The following MAN1A1 variants were observed in gnomAD, a reference collection of about 807,000 sequenced individuals.
The protein encoded by MAN1A1 is mannosyl-oligosaccharide 1,2-alpha-mannosidase IA.
MAN1A1 carries 29 observed loss-of-function variants against 70.8 expected under a neutral mutation model. The ratio of observed to expected loss-of-function variants is 0.41; its 90% confidence interval spans 0.31 to 0.56. The LOEUF is 0.56. Ranked by LOEUF, MAN1A1 falls within the 20% of genes least tolerant of loss-of-function variation. The probability of loss-of-function intolerance (pLI) is 0.29; values close to 1 mark genes in which losing one functional copy is unlikely to be tolerated. For synonymous variants in MAN1A1, 349 were observed against 330.1 expected (o/e 1.06, Z -0.62); for missense variants, 747 against 841.3 (o/e 0.89, Z 1.39).
chr6:119,308,751 G>A (rs934762497), intron 2 of MAN1A1, among the ~76,000 whole-genome samples: 1 of 152,010 alleles, frequency 6.6e-6, no homozygotes, highest in African/African-American at 2.4e-5. Flanking sequence ...ATTTTATTTG[G>A]TTTTTCCATT....
intron 2 of MAN1A1, among the ~76,000 whole-genome samples, chr6:119,345,720 C>T (rs868850582): frequency 2.6e-5 from 4 of 152,300 alleles, no homozygotes; most frequent in South Asian, 4.1e-4. Context: ...TCCAGTCTTC[C>T]AACATGTTAG....
intron 2 of MAN1A1, among the ~76,000 whole-genome samples, chr6:119,323,236 A>G (rs1187074181): frequency 6.6e-6 from 1 of 152,216 alleles, no homozygotes; most frequent in Admixed American, 6.5e-5. Flanking sequence ...TTCCTTTTAA[A>G]TAAGGAGTCA....
In MAN1A1 at chr6:119,348,969, G is replaced by C. The variant is rs756298621; in HGVS notation, c.97C>G (p.Pro33Ala). The C allele has an allele frequency of 5.3e-6, 8 of 1,507,694 alleles. No individual in the cohort carries two copies. The highest frequency in any genetic ancestry group is 2.2e-5 in the Admixed American group (1 of 46,296). 93.4% of individuals were successfully genotyped at this position (1,507,694 alleles called of 1,614,324 possible). Residue 33 changes from proline (P) to alanine (A), a missense_variant, in exon 2 of 13, where the codon CCC becomes GCC. Transcript: ENST00000368468. ...GGGGGRKGSG[P>A]AALRLTEKFV... ...TTCTCCGTCAGGCGGAGGGCGGCGG[G>C]GCCCGACCCCTTCCTGCCACCGCCG...
intron 5 of MAN1A1, among the ~76,000 whole-genome samples, chr6:119,286,991 C>A (rs187018321): frequency 6.6e-6 from 1 of 152,148 alleles, no homozygotes; most frequent in African/African-American, 2.4e-5. Context: ...CAGGAATTAT[C>A]TATACTTCCT....
At chr6:119,234,634 T>C (rs1242757065) in intron 6 of MAN1A1, among the ~76,000 whole-genome samples, 1 of 152,136 alleles carries the variant, frequency 6.6e-6, no homozygotes, top group African/African-American at 2.4e-5. Flanking sequence ...AGGCTGCTGT[T>C]GACCTCCCAG....
intron 6 of MAN1A1, among the ~76,000 whole-genome samples, chr6:119,245,466 T>A (rs535067338): frequency 7.9e-5 from 12 of 152,252 alleles, no homozygotes; most frequent in Non-Finnish European, 1.5e-4. Context: ...TGAAAAGTAA[T>A]CTTGTAGATA....
chr6:119,254,881 T>C (rs1291389295), intron 5 of MAN1A1, among the ~76,000 whole-genome samples: 1 of 152,194 alleles, frequency 6.6e-6, no homozygotes, highest in Non-Finnish European at 1.5e-5. Flanking sequence ...ATAAAAACTT[T>C]TATAGCCTAA....
At position 119,349,027 on chromosome 6, in the gene MAN1A1, G is replaced by C; in HGVS notation, c.39C>G (p.Pro13=). The C allele has an allele frequency of 4.4e-6, 6 of 1,357,648 alleles. No homozygotes were observed. Among genetic ancestry groups the C allele is most frequent in the Middle Eastern group, 2.5e-4 (1 of 3,966 alleles). The allele number at this position is 1,357,648 out of a possible 1,614,324, so 84.1% of individuals were successfully genotyped here. The change falls in exon 2 of 13, where the codon CCC becomes CCG. Residue 13 remains proline, a synonymous_variant. Transcript: ENST00000368468. ...GCCCCCCGCCCAGGACGCCGCCCGC[G>C]GGGCTGCTGAAGAGCGGCAACAGGC... is the stretch of plus-strand genomic sequence containing the variant. ...VGGLLPLFSS[P]AGGVLGGGLG...
intron 2 of MAN1A1, among the ~76,000 whole-genome samples, chr6:119,323,526 T>A (rs1773073153): frequency 1.3e-5 from 2 of 152,212 alleles, no homozygotes; most frequent in Non-Finnish European, 2.9e-5. Context: ...ATCTTAATGA[T>A]GAACAACTGC....
intron 2 of MAN1A1, among the ~76,000 whole-genome samples, chr6:119,347,548 T>C (rs1001644712): frequency 6.6e-5 from 10 of 152,158 alleles, no homozygotes; most frequent in African/African-American, 2.4e-4. Context: ...AGGAGGCATG[T>C]CCACAGACCG....
chr6:119,313,075 C>G (rs1013172415), intron 2 of MAN1A1, among the ~76,000 whole-genome samples: 6 of 152,192 alleles, frequency 3.9e-5, no homozygotes, highest in Middle Eastern at 6.8e-3. Context: ...GAAGGAAGTT[C>G]TCCTTCCTTT....
At chr6:119,301,002 T>A (rs1276135398) in intron 4 of MAN1A1, among the ~76,000 whole-genome samples, 1 of 152,210 alleles carries the variant, frequency 6.6e-6, no homozygotes, top group Admixed American at 6.5e-5. Context: ...GTGTCCTCAT[T>A]TGGTCTCTGA....
At position 119,201,297 on chromosome 6, in the gene MAN1A1, A is replaced by C. The variant is rs757044713; in HGVS notation, c.1167T>G (p.Leu389=). 1.2e-6 allele frequency: 2 copies of C among 1,613,538 alleles called. No homozygotes were observed. Among genetic ancestry groups the C allele is most frequent in the African/African-American group, 1.3e-5 (1 of 74,914 alleles). Residue 389 remains leucine (L), a synonymous_variant, in exon 8 of 13, where the codon CTT becomes CTG. Coordinates refer to ENST00000368468, the MANE Select transcript of MAN1A1 (RefSeq NM_005907.4). ...VLNKLEKPQG[L]YPNYLNPSSG... Reference sequence around the variant, plus strand: ...TACTGGGATTCAGATAGTTAGGATAAAGGCCTTGTGGTTTTTCCAGTTTGT... The same window carrying C: ...TACTGGGATTCAGATAGTTAGGATACAGGCCTTGTGGTTTTTCCAGTTTGT...
At chr6:119,211,406 T>C (rs1301225571) in intron 6 of MAN1A1, among the ~76,000 whole-genome samples, 4 of 152,224 alleles carry the variant, frequency 2.6e-5, no homozygotes, top group Admixed American at 6.5e-5. Flanking sequence ...CAGATATCTG[T>C]GCATCACGCA....
At position 119,349,100 on chromosome 6, in the gene MAN1A1, C is replaced by G; in HGVS notation, c.-35G>C. ...TGTCCAGTGGTCCGGCGCCGCGCCG[C>G]TCAGCAGCCAAACTTCGCCGCCGCT... On this transcript the variant is annotated 5_prime_UTR_variant, in exon 2 of 13. Coordinates refer to ENST00000368468, the MANE Select transcript of MAN1A1 (RefSeq NM_005907.4). 1 of 1,264,992 alleles carries G rather than the reference C, an allele frequency of 7.9e-7. No individual in the cohort carries two copies. The highest frequency in any genetic ancestry group is 4.2e-5 in the Admixed American group (1 of 23,558). The allele number at this position is 1,264,992 out of a possible 1,614,324, so 78.4% of individuals were successfully genotyped here.
chr6:119,260,493 C>T (rs555560647), intron 5 of MAN1A1, among the ~76,000 whole-genome samples: 4 of 152,256 alleles, frequency 2.6e-5, no homozygotes, highest in Admixed American at 2.6e-4. Flanking sequence ...TTTGAAAGTG[C>T]AATTTCTGGT....
At chr6:119,334,214 C>A (rs1260465037) in intron 2 of MAN1A1, among the ~76,000 whole-genome samples, 1 of 152,122 alleles carries the variant, frequency 6.6e-6, no homozygotes, top group African/African-American at 2.4e-5. Context: ...CAACAGCAAG[C>A]AGATTTTAAA....
intron 6 of MAN1A1, among the ~76,000 whole-genome samples, chr6:119,218,159 A>AT (rs373688717): frequency 6.6e-6 from 1 of 151,520 alleles, no homozygotes; most frequent in Non-Finnish European, 1.5e-5. Context: ...ATGTTTTGTA[A>AT]TTTTTTTTCT....
At chr6:119,349,822 C>T (rs1482587394), upstream of MAN1A1, 9 of 917,438 alleles carry the variant, frequency 9.8e-6, no homozygotes, top group Non-Finnish European at 1.2e-5. Context: ...CGGAGAGTGA[C>T]GGCGCGGCCG....
Sources: gnomAD v4.1 joint callset for allele counts (sites outside exome capture counted in the v4.1 genomes callset) on GRCh38, gnomAD v4.1.1 for gene constraint, MANE v1.5 for transcripts, NCBI Gene and HGNC (gene_info 2026-07-23, HGNC 2026-07-21) for gene names.